Variants in RNF125 observed in about 807,000 individuals in gnomAD.
RNF125 encodes E3 ubiquitin-protein ligase RNF125.
A neutral mutation model predicts 26.0 loss-of-function variants in RNF125; 21 were observed. That is an observed-to-expected ratio of 0.81 (90% CI 0.57 to 1.16). The LOEUF is 1.16. Ranked by LOEUF, RNF125 falls within the 50% of genes most tolerant of loss-of-function variation. RNF125 has a pLI of 0.00. For synonymous variants in RNF125, 95 were observed against 109.2 expected, an observed-to-expected ratio of 0.87 and a Z score of 0.81; for missense variants, 270 against 299.4, an observed-to-expected ratio of 0.90 and a Z score of 0.72.
chr18:32,058,031 C>G (rs1218269673), intron 4 of RNF125, among the ~76,000 whole-genome samples: 1 of 151,004 alleles, frequency 6.6e-6, no homozygotes, highest in African/African-American at 2.4e-5. Flanking sequence ...TTTTATGAGG[C>G]CAAAGTGGGA....
chr18:32,043,902 A>T (rs534492858), intron 3 of RNF125, among the ~76,000 whole-genome samples: 1 of 152,368 alleles, frequency 6.6e-6, no homozygotes, highest in South Asian at 2.1e-4. Context: ...ACAAGAAGTT[A>T]CATCTGTAAC....
chr18:32,028,139 A>C (rs1427738148), intron 1 of RNF125, among the ~76,000 whole-genome samples: 3 of 151,640 alleles, frequency 2.0e-5, no homozygotes, highest in Non-Finnish European at 4.4e-5. Context: ...TCTACTAAAA[A>C]TACAAAAAAT....
chr18:32,055,172 G>A (rs2039368156), intron 4 of RNF125, among the ~76,000 whole-genome samples: 2 of 151,752 alleles, frequency 1.3e-5, no homozygotes, highest in East Asian at 1.9e-4. Context: ...GGTGGTGCAC[G>A]CCTGTAATCC....
At chr18:32,032,537 T>A (rs948007339) in intron 1 of RNF125, among the ~76,000 whole-genome samples, 34 of 152,166 alleles carry the variant, frequency 2.2e-4, no homozygotes, top group African/African-American at 8.2e-4. Context: ...TATGTGATTT[T>A]TTTCCCCCCA....
the RNF125 span, among the ~76,000 whole-genome samples, chr18:32,080,961 C>T: frequency 6.6e-6 from 1 of 152,008 alleles, no homozygotes; most frequent in African/African-American, 2.4e-5. Flanking sequence ...CTGAGGCAGG[C>T]GGATCACGAG....
chr18:32,042,038 G>T, intron 2 of RNF125, 141 bp from the exon 3 acceptor site: 1 of 642,194 alleles, frequency 1.6e-6, no homozygotes. Context: ...AATTTTTGGT[G>T]GTACTGGTGT....
At chr18:32,025,528 G>A (rs1248168663) in intron 1 of RNF125, among the ~76,000 whole-genome samples, 1 of 152,030 alleles carries the variant, frequency 6.6e-6, no homozygotes, top group Non-Finnish European at 1.5e-5. Flanking sequence ...AGCCAGGGGT[G>A]GTGGCAGGCA....
the RNF125 span, among the ~76,000 whole-genome samples, chr18:32,078,640 TAAAAA>T: frequency 6.9e-6 from 1 of 144,732 alleles, no homozygotes; most frequent in Admixed American, 7.0e-5. Context: ...ACCAAATCTC[TAAAAA>T]AAAAAGAAAA....
At chr18:32,064,394 T>TTC (rs1197094368) in intron 4 of RNF125, among the ~76,000 whole-genome samples, 1 of 113,744 alleles carries the variant, frequency 8.8e-6, no homozygotes, top group Admixed American at 9.0e-5. Flanking sequence ...CTTTTTCTTT[T>TTC]TCTTTTTTTT....
At chr18:32,052,438 A>C (rs1040053185) in intron 4 of RNF125, among the ~76,000 whole-genome samples, 3 of 150,570 alleles carry the variant, frequency 2.0e-5, no homozygotes, top group African/African-American at 7.3e-5. Flanking sequence ...GGTTGCAGTG[A>C]GTCAAGATTG....
chr18:32,055,721 C>T (rs572115643), intron 4 of RNF125, among the ~76,000 whole-genome samples: 2 of 152,226 alleles, frequency 1.3e-5, no homozygotes, highest in Admixed American at 1.3e-4. Flanking sequence ...TGGCTCATGC[C>T]TGTAATCCCA....
chr18:32,089,706 C>A, the RNF125 span, among the ~76,000 whole-genome samples: 1 of 152,150 alleles, frequency 6.6e-6, no homozygotes, highest in African/African-American at 2.4e-5. Context: ...CACATATTGC[C>A]AGCTATATGC....
chr18:32,066,660 C>T (rs1435948916), intron 5 of RNF125, among the ~76,000 whole-genome samples: 1 of 152,196 alleles, frequency 6.6e-6, no homozygotes, highest in Non-Finnish European at 1.5e-5. Context: ...ACCTCGGAAA[C>T]TCAGTTTGTG....
chr18:32,078,273 T>C, the RNF125 span, among the ~76,000 whole-genome samples: 23 of 152,196 alleles, frequency 1.5e-4, no homozygotes, highest in Admixed American at 1.5e-3. Context: ...TGGAAATATT[T>C]CCTGGCACTC....
At chr18:32,028,586 CTTTT>C (rs71177830) in intron 1 of RNF125, among the ~76,000 whole-genome samples, 6 of 127,668 alleles carry the variant, frequency 4.7e-5, no homozygotes, top group Non-Finnish European at 6.7e-5. Flanking sequence ...ATTTTGTTTC[CTTTT>C]TTTTTTTTTT....
intron 1 of RNF125, among the ~76,000 whole-genome samples, chr18:32,029,275 A>G (rs984115086): frequency 1.3e-5 from 2 of 152,120 alleles, no homozygotes; most frequent in Non-Finnish European, 2.9e-5. Context: ...CTTATCTTCT[A>G]TTAGAAAGCT....
intron 1 of RNF125, among the ~76,000 whole-genome samples, chr18:32,030,025 AATTTTTATTT>A (rs1313131460): frequency 6.6e-6 from 1 of 152,062 alleles, no homozygotes; most frequent in Non-Finnish European, 1.5e-5. Flanking sequence ...GAATGTACCT[AATTTTTATTT>A]TTATTTTTTA....
At chr18:32,026,458 T>G (rs951757378) in intron 1 of RNF125, among the ~76,000 whole-genome samples, 1 of 151,900 alleles carries the variant, frequency 6.6e-6, no homozygotes, top group Non-Finnish European at 1.5e-5. Flanking sequence ...CATGTTGCTC[T>G]CAAACTCCTG....
At chr18:32,041,620 CTTTTTTTT>C (rs60264747) in intron 2 of RNF125, among the ~76,000 whole-genome samples, 10 of 93,292 alleles carry the variant, frequency 1.1e-4, no homozygotes, top group African/African-American at 2.7e-4. Flanking sequence ...AATGTAGATG[CTTTTTTTT>C]TTTTTTTTTT....
Sources: gnomAD v4.1 joint callset for allele counts (sites outside exome capture counted in the v4.1 genomes callset) on GRCh38, gnomAD v4.1.1 for gene constraint, MANE v1.5 for transcripts, NCBI Gene and HGNC (gene_info 2026-07-23, HGNC 2026-07-21) for gene names.